The following DNAH7 variants were observed in gnomAD, a reference collection of about 807,000 sequenced individuals.
DNAH7 encodes dynein axonemal heavy chain 7, also known as axonemal beta dynein heavy chain 7.
In DNAH7, 397 loss-of-function variants were observed where a neutral mutation model predicts 444.6. The observed-to-expected ratio is 0.89, with a 90% CI of 0.82 to 0.97. The LOEUF is 0.97. Among genes scored for constraint, DNAH7 ranks in the 50% least tolerant of loss-of-function variants. DNAH7 has a pLI of 0.00. For missense variants in DNAH7, 4,902 were observed against 4,800.8 expected (o/e 1.02, Z -0.62); for synonymous variants, 1,636 against 1,624.4 (o/e 1.01, Z -0.17).
chr2:195,976,725 CAGAG>C (rs956303887), intron 15 of DNAH7, among the ~76,000 whole-genome samples: 2 of 110,256 alleles, frequency 1.8e-5, no homozygotes, highest in African/African-American at 6.2e-5. Context: ...GCTTAGCAGA[CAGAG>C]AGAGACAGAG....
chr2:195,929,140 T>C (rs1312538060), intron 21 of DNAH7, among the ~76,000 whole-genome samples: 2 of 151,852 alleles, frequency 1.3e-5, no homozygotes, highest in Non-Finnish European at 2.9e-5. Context: ...CAGACAAAAA[T>C]AAAATACCTA....
intron 54 of DNAH7, among the ~76,000 whole-genome samples, chr2:195,804,832 A>G (rs1293271625): frequency 6.6e-6 from 1 of 150,726 alleles, no homozygotes; most frequent in Non-Finnish European, 1.5e-5. Context: ...AGTATTGTCC[A>G]CATATCTATC....
chr2:195,902,698 T>G (rs547206980), intron 27 of DNAH7: 1 of 152,134 alleles, frequency 6.6e-6, no homozygotes, highest in East Asian at 1.9e-4. Context: ...TTCTGACTAG[T>G]AGAACAAAAA....
At chr2:195,882,431 C>T in intron 35 of DNAH7, among the ~76,000 whole-genome samples, 1 of 152,092 alleles carries the variant, frequency 6.6e-6, no homozygotes, top group East Asian at 1.9e-4. Flanking sequence ...ATAACATTAG[C>T]TTATCATTGC....
At chr2:195,954,388 T>C (rs1004661819) in intron 19 of DNAH7, among the ~76,000 whole-genome samples, 1 of 152,236 alleles carries the variant, frequency 6.6e-6, no homozygotes, top group African/African-American at 2.4e-5. Flanking sequence ...TAGTATTCCA[T>C]TGTGTATATG....
chr2:195,915,636 C>T (rs1687630096), intron 24 of DNAH7, among the ~76,000 whole-genome samples: 1 of 152,182 alleles, frequency 6.6e-6, no homozygotes, highest in South Asian at 2.1e-4. Context: ...TAATTTCTCA[C>T]TCCATCCATA....
At chr2:195,788,869 G>A (rs893346753) in intron 57 of DNAH7, among the ~76,000 whole-genome samples, 3 of 152,172 alleles carry the variant, frequency 2.0e-5, no homozygotes, top group Non-Finnish European at 4.4e-5. Context: ...ATGTGTATTT[G>A]TATATTTGCA....
chr2:195,960,353 A>G lies in DNAH7; in HGVS notation c.2798T>C (p.Val933Ala), dbSNP rs370774288. The G allele has an allele frequency of 6.2e-6, 10 of 1,614,072 alleles. No individual in the cohort carries two copies. In the African/African-American group the frequency reaches 9.3e-5, roughly 15 times the overall value. Residue 933 changes from valine to alanine, a missense_variant, in exon 18 of 65, where the codon GTT becomes GCT. Transcript: ENST00000312428. ...ATCCAACAACATCTGAATTTCATCAACTGATGCCAAAATAAATGTCCCAGT... is the reference window on the plus strand; with the variant it reads ...ATCCAACAACATCTGAATTTCATCAGCTGATGCCAAAATAAATGTCCCAGT... ...RETGTFILAS[V>A]DEIQMLLDDH...
At chr2:195,836,846 C>A (rs1698400559) in intron 47 of DNAH7, among the ~76,000 whole-genome samples, 2 of 152,168 alleles carry the variant, frequency 1.3e-5, no homozygotes, top group Non-Finnish European at 2.9e-5. Context: ...ATCACTTCCA[C>A]ATTTTTTAGC....
At chr2:196,035,564 A>C (rs532415076) in intron 5 of DNAH7, among the ~76,000 whole-genome samples, 1 of 152,354 alleles carries the variant, frequency 6.6e-6, no homozygotes, top group Non-Finnish European at 1.5e-5. Context: ...TCTTCTCCAT[A>C]AAGAAGGACC....
intron 36 of DNAH7, among the ~76,000 whole-genome samples, chr2:195,877,679 A>G (rs1482834753): frequency 6.6e-6 from 1 of 152,250 alleles, no homozygotes; most frequent in Non-Finnish European, 1.5e-5. Flanking sequence ...TTTAGCACAC[A>G]TGCCAGGAGT....
intron 10 of DNAH7, among the ~76,000 whole-genome samples, chr2:196,008,519 T>C (rs6756646): frequency 0.069 from 10,569 of 152,236 alleles, 499 homozygotes; most frequent in African/African-American, 0.13. Flanking sequence ...AAATGTCCAT[T>C]ACCTGATGAC....
chr2:196,013,623 T>C (rs78916256), intron 9 of DNAH7, among the ~76,000 whole-genome samples: 5,029 of 152,300 alleles, frequency 0.033, 129 homozygotes, highest in Middle Eastern at 0.058. Context: ...TATTTCCTTA[T>C]ATTTCTTCCA....
chr2:195,907,636 A>G (rs1326457328), intron 25 of DNAH7, among the ~76,000 whole-genome samples: 2 of 152,192 alleles, frequency 1.3e-5, no homozygotes, highest in Non-Finnish European at 2.9e-5. Context: ...ACACATGCAT[A>G]TGTTATATCG....
At chr2:195,779,496 G>T (rs1695268862) in intron 58 of DNAH7, among the ~76,000 whole-genome samples, 1 of 151,590 alleles carries the variant, frequency 6.6e-6, no homozygotes, top group Admixed American at 6.6e-5. Context: ...ATTTTAATTT[G>T]CATTTCTAGA....
chr2:196,068,487 T>A, intron 1 of DNAH7: 1 of 658,198 alleles, frequency 1.5e-6, no homozygotes. Context: ...TTGGTTGTTA[T>A]GACGACCAAG....
At chr2:195,745,413 CA>C in intron 63 of DNAH7, among the ~76,000 whole-genome samples, 1 of 152,276 alleles carries the variant, frequency 6.6e-6, no homozygotes, top group East Asian at 1.9e-4. Flanking sequence ...AGAATGGAAC[CA>C]AGTTGGAAAA....
chr2:195,789,820 G>A (rs1312773503), intron 57 of DNAH7, among the ~76,000 whole-genome samples: 1 of 151,522 alleles, frequency 6.6e-6, no homozygotes, highest in African/African-American at 2.4e-5. Flanking sequence ...GGAAGTCCTA[G>A]CCAGAGTAAA....
intron 58 of DNAH7, among the ~76,000 whole-genome samples, chr2:195,785,535 G>A (rs185945666): frequency 1.5e-5 from 2 of 134,502 alleles, no homozygotes; most frequent in South Asian, 2.4e-4. Flanking sequence ...TTTTTTGTAT[G>A]TTTGTTTAAT....
Sources: allele counts gnomAD v4.1 joint callset (sites outside exome capture counted in the v4.1 genomes callset), GRCh38; gene constraint gnomAD v4.1.1; transcripts MANE v1.5; gene names NCBI Gene and HGNC (gene_info 2026-07-23, HGNC 2026-07-21).